The following IBTK variants were observed in gnomAD, a reference collection of about 807,000 sequenced individuals.
IBTK encodes the protein inhibitor of Bruton tyrosine kinase.
IBTK carries 83 observed loss-of-function variants against 154.9 expected under a neutral mutation model. That is an observed-to-expected ratio of 0.54 (90% confidence interval 0.45 to 0.64). The LOEUF is 0.64. Ranked by LOEUF, IBTK falls within the 30% of genes least tolerant of loss-of-function variation. The pLI, the probability that IBTK is intolerant of heterozygous loss-of-function variation, is 0.00. For synonymous variants in IBTK, 515 were observed against 536.1 expected (o/e 0.96, Z 0.54); for missense variants, 1,332 against 1,584.6 (o/e 0.84, Z 2.71).
intron 25 of IBTK, among the ~76,000 whole-genome samples, chr6:82,182,957 T>TG (rs1768373162): frequency 6.6e-6 from 1 of 152,168 alleles, no homozygotes; most frequent in African/African-American, 2.4e-5. Flanking sequence ...ACTGCAGCAC[T>TG]GTGGAAGATC....
chr6:82,214,273 A>G lies in IBTK; in HGVS notation c.2158T>C (p.Leu720=), dbSNP rs775823158. Reference sequence around the variant, plus strand: ...TCGAATTTCTTTGCAACAGTTTGCAACATTCTTACAGGATCATCTTCCCTA... The same window carrying G: ...TCGAATTTCTTTGCAACAGTTTGCAGCATTCTTACAGGATCATCTTCCCTA... ...NIREDDPVRM[L]QTVAKKFDFS... is the part of the protein sequence containing the mutation. Residue 720 remains leucine, a synonymous_variant, in exon 12 of 29, where the codon TTG becomes CTG. Coordinates refer to ENST00000306270, the MANE Select transcript of IBTK (RefSeq NM_015525.4). The G allele has an allele frequency of 1.2e-6, 2 of 1,612,306 alleles. No homozygotes were observed. The highest frequency in any genetic ancestry group is 2.2e-5 in the South Asian group (2 of 90,756).
rs748697251 is a variant in IBTK at position 82,181,895 on chromosome 6, C to G, written c.3709G>C (p.Ala1237Pro). 1.3e-6 allele frequency: 2 copies of G among 1,575,926 alleles called. No homozygotes were observed. The highest frequency in any genetic ancestry group is 4.2e-5 in the Admixed American group (2 of 48,164). Residue 1237 changes from alanine (A) to proline (P), a missense_variant, in exon 26 of 29, where the codon GCA becomes CCA. Transcript: ENST00000306270. Reference sequence around the variant, plus strand: ...TTTTATTACCTGACAATTTTTGGTGCCTGAGAATTTTCAATTCCTTTAAAA... The same window carrying G: ...TTTTATTACCTGACAATTTTTGGTGGCTGAGAATTTTCAATTCCTTTAAAA... The part of the protein sequence containing the change: ...VSFKGIENSQ[A>P]PKIVRCSTHG...
chr6:82,200,669 C>A lies in IBTK; in HGVS notation c.2830G>T (p.Asp944Tyr). The change falls in exon 20 of 29, where the codon GAT becomes TAT. Residue 944 changes from aspartate (D) to tyrosine (Y), a missense_variant. Asp to Tyr is a radical substitution (Grantham distance 160). This residue lies in a region of IBTK where 1,134 missense variants were observed against 1,274.7 expected (regional missense o/e 0.89). Transcript: ENST00000306270. ...MDRRVITPYQ[D>Y]GPDISYLEVE... ...TCCAAATAGCTAATATCTGGTCCATCTTGATATGGTGTAATGACTCTTCTA... is the reference window on the plus strand; with the variant it reads ...TCCAAATAGCTAATATCTGGTCCATATTGATATGGTGTAATGACTCTTCTA... 1 of 1,591,450 alleles carries A rather than the reference C, an allele frequency of 6.3e-7. No homozygotes were observed.
chr6:82,221,054 C>T (rs979327589), intron 8 of IBTK, among the ~76,000 whole-genome samples: 11 of 151,792 alleles, frequency 7.2e-5, no homozygotes, highest in Non-Finnish European at 1.3e-4. Flanking sequence ...GGGCTGGGTG[C>T]AGTGGCTCCC....
At position 82,170,170 on chromosome 6, in the gene IBTK, G is replaced by GA; in HGVS notation, c.*1254dup. 2 of 152,450 alleles carry GA rather than the reference G, an allele frequency of 1.3e-5. No homozygotes were observed. Among genetic ancestry groups the GA allele is most frequent in the South Asian group, 4.1e-4 (2 of 4,822 alleles). 9.4% of individuals were successfully genotyped at this position (152,450 alleles called of 1,614,324 possible). A position where few individuals can be genotyped will look rare whatever the true frequency, so the allele number is the denominator to read the frequency against. ...TACTGGCCACTAGTGTAGCACATCA[G>GA]AAAAAATAATTATTAACTCTTTCCA... On this transcript the variant is annotated 3_prime_UTR_variant, in exon 29 of 29. Transcript: ENST00000306270.
intron 22 of IBTK, among the ~76,000 whole-genome samples, chr6:82,195,010 A>G (rs149024603): frequency 3.1e-4 from 47 of 152,332 alleles, no homozygotes; most frequent in African/African-American, 1.1e-3. Flanking sequence ...AAAGTTTTGT[A>G]TAAATGTCAT....
chr6:82,185,200 A>AC (rs903763120), intron 25 of IBTK, among the ~76,000 whole-genome samples: 8 of 151,098 alleles, frequency 5.3e-5, no homozygotes, highest in African/African-American at 1.5e-4. Flanking sequence ...AAAAAAAAAA[A>AC]AAAAAACAGA....
intron 21 of IBTK, among the ~76,000 whole-genome samples, chr6:82,197,040 T>C (rs1769014986): frequency 6.6e-6 from 1 of 152,204 alleles, no homozygotes; most frequent in South Asian, 2.1e-4. Flanking sequence ...GTGAAATGTA[T>C]ATATCATTTC....
At chr6:82,173,461 A>G in intron 26 of IBTK, 23 bp from the exon 27 acceptor site, 1 of 1,591,472 alleles carries the variant, frequency 6.3e-7, no homozygotes, top group Non-Finnish European at 8.6e-7. Context: ...TGCCAAAATT[A>G]AAGATTAAAG....
Position 82,209,187 on chromosome 6 carries a change from T to C in IBTK, c.2509+1627A>G, listed in dbSNP as rs1769531865. On this transcript the variant is annotated intron_variant, in intron 16 of 28. Coordinates refer to ENST00000306270, the MANE Select transcript of IBTK (RefSeq NM_015525.4). Reference sequence around the variant, plus strand: ...GTGCAGTTCGGCAGTTCCTAAAAAATTAAACAGATGACCCAGCATTTCCGC... The same window carrying C: ...GTGCAGTTCGGCAGTTCCTAAAAAACTAAACAGATGACCCAGCATTTCCGC... 2.6e-5 allele frequency among the ~76,000 whole-genome samples: 4 copies of C among 152,220 alleles called. No individual in the cohort carries two copies. In the South Asian group the frequency reaches 8.3e-4, roughly 32 times the overall value.
At position 82,181,550 on chromosome 6, in the gene IBTK, T is replaced by C. The variant is rs544639091; in HGVS notation, c.3725+329A>G. 2.0e-5 allele frequency among the ~76,000 whole-genome samples: 3 copies of C among 152,258 alleles called. No individual in the cohort carries two copies. The South Asian group carries it at 6.2e-4, about 32-fold the overall frequency. ...GAAACAGAAGGAAGAGAGGAAGGGA[T>C]TACAAAGGGACATGACAAAACATCT... On this transcript the variant is annotated intron_variant, in intron 26 of 28. Coordinates refer to ENST00000306270, the MANE Select transcript of IBTK (RefSeq NM_015525.4).
At chr6:82,247,345 G>C (rs989798688) in intron 1 of IBTK, among the ~76,000 whole-genome samples, 6 of 152,246 alleles carry the variant, frequency 3.9e-5, no homozygotes, top group Non-Finnish European at 7.3e-5. Flanking sequence ...CCATTCATTA[G>C]CTGAGGGGGG....
intron 18 of IBTK, 149 bp downstream of exon 18, chr6:82,202,379 A>C (rs887753188): frequency 1.7e-6 from 1 of 585,478 alleles, no homozygotes; most frequent in Non-Finnish European, 3.0e-6. Context: ...TAATTCTAAA[A>C]TGTACATAAC....
Position 82,224,134 on chromosome 6 carries a change from T to C in IBTK, c.877A>G (p.Arg293Gly). ...CTAGTCCATAGGACTGTATGAAACC[T>C]GCCTGCTGCAACGCCAATGATTGTC... ...GRTIIGVAAG[R>G]FHTVLWTREA... Residue 293 changes from arginine (R) to glycine (G), a missense_variant, in exon 7 of 29, where the codon AGG becomes GGG. Around this residue, in one of 3 missense-constraint regions of IBTK, gnomAD observed 1,134 missense variants for 1,274.7 expected, o/e 0.89. Transcript: ENST00000306270. The C allele has an allele frequency of 6.2e-7, 1 of 1,614,166 alleles. No homozygotes were observed. The highest frequency in any genetic ancestry group is 8.5e-7 in the Non-Finnish European group (1 of 1,179,970).
At chr6:82,245,359 A>C (rs1771103725) in intron 1 of IBTK, among the ~76,000 whole-genome samples, 1 of 152,002 alleles carries the variant, frequency 6.6e-6, no homozygotes, top group African/African-American at 2.4e-5. Flanking sequence ...AGGACTTTGA[A>C]ATCAGCCTGG....
intron 22 of IBTK, among the ~76,000 whole-genome samples, chr6:82,195,038 A>T (rs1425405129): frequency 6.6e-6 from 1 of 152,228 alleles, no homozygotes; most frequent in Non-Finnish European, 1.5e-5. Flanking sequence ...ACTCTGATGT[A>T]AAGTACTGTG....
At chr6:82,225,701 C>A in intron 5 of IBTK, 54 bp from the exon 6 acceptor site, 1 of 1,317,764 alleles carries the variant, frequency 7.6e-7, no homozygotes, top group Non-Finnish European at 1.1e-6. Flanking sequence ...TACAGATATG[C>A]AAATAGAATT....
At chr6:82,239,652 C>T (rs963077377) in intron 2 of IBTK, among the ~76,000 whole-genome samples, 17 of 152,210 alleles carry the variant, frequency 1.1e-4, no homozygotes, top group Admixed American at 4.6e-4. Flanking sequence ...AAACCACCAA[C>T]TAACCTCTAA....
chr6:82,200,636 C>A lies in IBTK; in HGVS notation c.2863G>T (p.Asp955Tyr). Residue 955 changes from aspartate to tyrosine, a missense_variant, in exon 20 of 29, where the codon GAT (aspartate) becomes TAT (tyrosine). Asp to Tyr is a radical substitution (Grantham distance 160). Coordinates refer to ENST00000306270, the MANE Select transcript of IBTK (RefSeq NM_015525.4). ...GPDISYLEVE[D>Y]GDIFLKEEIN... Reference sequence around the variant, plus strand: ...TCTTCTTTCAAGAAGATATCTCCATCTTCTACTTCCAAATAGCTAATATCT... The same window carrying A: ...TCTTCTTTCAAGAAGATATCTCCATATTCTACTTCCAAATAGCTAATATCT... 6.3e-7 allele frequency: 1 copy of A among 1,595,466 alleles called. No homozygotes were observed. Among genetic ancestry groups the A allele is most frequent in the Non-Finnish European group, 8.5e-7 (1 of 1,172,332 alleles).
Sources: gnomAD v4.1 joint callset for allele counts (sites outside exome capture counted in the v4.1 genomes callset) on GRCh38, gnomAD v4.1.1 for gene constraint, gnomAD v4.1.1 regional missense constraint, MANE v1.5 for transcripts, NCBI Gene and HGNC (gene_info 2026-07-23, HGNC 2026-07-21) for gene names.